Variants in FSHR observed in about 807,000 individuals in gnomAD.
FSHR encodes follicle stimulating hormone receptor.
In FSHR, 46 loss-of-function variants were observed where a neutral mutation model predicts 52.1. That is an observed-to-expected ratio of 0.88 (90% CI 0.70 to 1.13). The LOEUF (loss-of-function observed/expected upper bound fraction) is 1.13, where lower values mean the gene tolerates loss of function less well. Among genes scored for constraint, FSHR ranks in the 50% most tolerant of loss-of-function variants. FSHR has a pLI of 0.00. For missense variants in FSHR, 964 were observed against 834.6 expected (o/e 1.16, Z -1.91); for synonymous variants, 399 against 309.6 (o/e 1.29, Z -3.03).
chr2:49,027,773 C>G (rs1369293627), intron 2 of FSHR, among the ~76,000 whole-genome samples: 1 of 150,930 alleles, frequency 6.6e-6, no homozygotes, highest in East Asian at 2.0e-4. Context: ...TCACTTGAGC[C>G]CAGGAGGCGG....
intron 6 of FSHR, among the ~76,000 whole-genome samples, chr2:48,986,938 A>G (rs1320232120): frequency 1.3e-5 from 2 of 152,190 alleles, no homozygotes; most frequent in East Asian, 3.8e-4. Context: ...ACTTAATTAT[A>G]TATTTTCTAT....
intron 8 of FSHR, among the ~76,000 whole-genome samples, chr2:48,976,689 C>A (rs1573032410): frequency 6.6e-6 from 1 of 152,156 alleles, no homozygotes; most frequent in African/African-American, 2.4e-5. Flanking sequence ...AGGGATTCAT[C>A]TTCTTCCTGG....
intron 4 of FSHR, among the ~76,000 whole-genome samples, chr2:48,999,925 T>C (rs1676182507): frequency 6.6e-6 from 1 of 152,128 alleles, no homozygotes; most frequent in African/African-American, 2.4e-5. Flanking sequence ...GCTAAAGCAT[T>C]TATGTCACCT....
chr2:49,139,354 G>C (rs1451806010), intron 1 of FSHR, among the ~76,000 whole-genome samples: 2 of 152,128 alleles, frequency 1.3e-5, no homozygotes, highest in Non-Finnish European at 2.9e-5. Flanking sequence ...CCTGAAGTGT[G>C]GAAGGTAGAA....
At chr2:49,076,439 C>T (rs905666) in intron 1 of FSHR, among the ~76,000 whole-genome samples, 29,543 of 152,012 alleles carry the variant, frequency 0.19, 3,107 homozygotes, top group East Asian at 0.28. Context: ...GGGAAAAACC[C>T]GCCCCCTTGA....
chr2:49,052,804 C>G (rs1384830019), intron 2 of FSHR, among the ~76,000 whole-genome samples: 1 of 152,184 alleles, frequency 6.6e-6, no homozygotes, highest in African/African-American at 2.4e-5. Context: ...TAGGAAGGAA[C>G]TTAAGTCATG....
chr2:49,011,673 CT>C (rs34018023), intron 4 of FSHR, among the ~76,000 whole-genome samples: 2 of 152,018 alleles, frequency 1.3e-5, no homozygotes, highest in Admixed American at 1.3e-4. Context: ...AAGGTTCCTA[CT>C]TTTCAGAAAG....
intron 1 of FSHR, among the ~76,000 whole-genome samples, chr2:49,072,587 T>C (rs573312599): frequency 2.0e-5 from 3 of 152,168 alleles, no homozygotes; most frequent in Non-Finnish European, 4.4e-5. Flanking sequence ...ATAAGAAACA[T>C]TGGTAAAATG....
chr2:49,031,956 T>A (rs940822535), intron 2 of FSHR, among the ~76,000 whole-genome samples: 4 of 152,190 alleles, frequency 2.6e-5, no homozygotes, highest in African/African-American at 9.7e-5. Context: ...TCCCTTAGGG[T>A]CAAGGATTTT....
At chr2:49,030,246 G>A (rs943343986) in intron 2 of FSHR, among the ~76,000 whole-genome samples, 1 of 149,526 alleles carries the variant, frequency 6.7e-6, no homozygotes, top group Non-Finnish European at 1.5e-5. Flanking sequence ...CATATGTCTT[G>A]AGGCTCTTTG....
chr2:49,135,842 TG>T (rs1672470173), intron 1 of FSHR, among the ~76,000 whole-genome samples: 1 of 152,054 alleles, frequency 6.6e-6, no homozygotes, highest in Non-Finnish European at 1.5e-5. Context: ...TTAAGAAAGA[TG>T]GGATATGTTT....
intron 2 of FSHR, among the ~76,000 whole-genome samples, chr2:49,021,616 C>T (rs1208357671): frequency 1.3e-5 from 2 of 151,716 alleles, no homozygotes; most frequent in East Asian, 3.9e-4. Flanking sequence ...GCTGGTGCAT[C>T]TGTGACTGGT....
At chr2:49,141,209 C>G (rs1194112770) in intron 1 of FSHR, among the ~76,000 whole-genome samples, 2 of 152,200 alleles carry the variant, frequency 1.3e-5, no homozygotes, top group African/African-American at 4.8e-5. Flanking sequence ...CTCTCTTTCT[C>G]TCTCCTCATG....
intron 2 of FSHR, among the ~76,000 whole-genome samples, chr2:49,025,852 C>T (rs539790992): frequency 3.3e-5 from 5 of 152,268 alleles, no homozygotes; most frequent in African/African-American, 4.8e-5. Context: ...GTCTGCTGAC[C>T]GCATAAAGGA....
At chr2:49,144,231 C>A (rs1672790204) in intron 1 of FSHR, among the ~76,000 whole-genome samples, 1 of 152,156 alleles carries the variant, frequency 6.6e-6, no homozygotes, top group East Asian at 1.9e-4. Flanking sequence ...GATTCTGATG[C>A]AGCAATTCCC....
chr2:49,060,844 T>C (rs11686474), intron 2 of FSHR, among the ~76,000 whole-genome samples: 52,619 of 152,002 alleles, frequency 0.35, 9,719 homozygotes, highest in East Asian at 0.49. Context: ...AGCTGTGCTT[T>C]GCCATTCTGG....
At chr2:48,973,962 C>G (rs1336915124) in intron 8 of FSHR, among the ~76,000 whole-genome samples, 1 of 149,450 alleles carries the variant, frequency 6.7e-6, no homozygotes, top group African/African-American at 2.5e-5. Flanking sequence ...TGTATCATTT[C>G]TGGCATAGAT....
At chr2:48,978,701 G>C (rs1284405956) in intron 8 of FSHR, among the ~76,000 whole-genome samples, 1 of 152,194 alleles carries the variant, frequency 6.6e-6, no homozygotes, top group Non-Finnish European at 1.5e-5. Flanking sequence ...GACTCACAAG[G>C]GGGAAATGAG....
In FSHR at chr2:49,018,527, A is replaced by C. The variant is rs1256156600; in HGVS notation, c.300-964T>G. Among the ~76,000 whole-genome samples, 3 of 152,210 alleles carry C rather than the reference A, an allele frequency of 2.0e-5. No homozygotes were observed. The East Asian group carries it at 5.8e-4, about 29-fold the overall frequency. ...TATGCAAGGAAGAGATGAAAGACCC[A>C]AACCACTACCTTCACTGTCCATTGA... On this transcript the variant is annotated intron_variant, in intron 3 of 9. Transcript: ENST00000406846.
Sources: gnomAD v4.1 joint callset for allele counts (sites outside exome capture counted in the v4.1 genomes callset) on GRCh38, gnomAD v4.1.1 for gene constraint, MANE v1.5 for transcripts, NCBI Gene and HGNC (gene_info 2026-07-23, HGNC 2026-07-21) for gene names.